The following EPHB1 variants were observed in gnomAD, a reference collection of about 807,000 sequenced individuals.
The protein encoded by EPHB1 is ephrin type-B receptor 1.
A neutral mutation model predicts 94.4 loss-of-function variants in EPHB1; 30 were observed. The observed-to-expected ratio is 0.32, with a 90% confidence interval of 0.24 to 0.43. The LOEUF is 0.43. Ranked by LOEUF, EPHB1 falls within the 20% of genes least tolerant of loss-of-function variation. The pLI, the probability that EPHB1 is intolerant of heterozygous loss-of-function variation, is 1.00. For synonymous variants in EPHB1, 522 were observed against 489.1 expected, an observed-to-expected ratio of 1.07 and a Z score of -0.89; for missense variants, 1,055 against 1,308.3, an observed-to-expected ratio of 0.81 and a Z score of 2.99.
rs549227080 is a variant in EPHB1 at position 134,832,197 on chromosome 3, G to T, written c.58+36508G>T. Among the ~76,000 whole-genome samples the T allele has an allele frequency of 1.5e-3, 225 of 152,326 alleles. 1 individual carries two copies. Among genetic ancestry groups the T allele is most frequent in the African/African-American group, 4.9e-3 (204 of 41,570 alleles). ...GTTTATCAGGAATTCAAATTTAACT[G>T]GGTGTCCTGTTGTTTGTTGGCTTGC... On this transcript the variant is annotated intron_variant, in intron 1 of 15. Transcript: ENST00000398015.
Position 135,132,923 on chromosome 3 carries a change from G to A in EPHB1, c.1171G>A (p.Val391Ile), listed in dbSNP as rs1940470701. 3.1e-6 allele frequency: 5 copies of A among 1,613,882 alleles called. No homozygotes were observed. The highest frequency in any genetic ancestry group is 1.3e-5 in the African/African-American group (1 of 74,918). ...GCAGCTGGGCCTGACGGAGTGCCGC[G>A]TCTCCATCAGCAGCCTGTGGGCCCA... ...PRQLGLTECR[V>I]SISSLWAHTP... is the part of the protein sequence containing the mutation. Residue 391 changes from valine (V) to isoleucine (I), a missense_variant, in exon 5 of 16, where the codon GTC becomes ATC. Physicochemically the swap from Val to Ile is conservative, Grantham distance 29. Transcript: ENST00000398015.
chr3:134,854,636 G>A (rs2037072501), intron 1 of EPHB1, among the ~76,000 whole-genome samples: 1 of 152,142 alleles, frequency 6.6e-6, no homozygotes, highest in Non-Finnish European at 1.5e-5. Context: ...GCTTCTCTGA[G>A]TAATCGCTTT....
rs143461983 is a variant in EPHB1, at chr3:135,174,099, A to G, written c.1760-5761A>G. On this transcript the variant is annotated intron_variant, in intron 9 of 15. Coordinates refer to ENST00000398015, the MANE Select transcript of EPHB1 (RefSeq NM_004441.5). Reference sequence around the variant, plus strand: ...TAACAACCTCATAGCTATTTTTCCAACCTCCAGCCCCTTCCCCACAGCACT... The same window carrying G: ...TAACAACCTCATAGCTATTTTTCCAGCCTCCAGCCCCTTCCCCACAGCACT... Among the ~76,000 whole-genome samples the G allele has an allele frequency of 8.8e-3, 1,344 of 152,002 alleles. 11 individuals carry two copies. The highest frequency in any genetic ancestry group is 0.036 in the South Asian group (174 of 4,802).
At chr3:134,931,803 GTATA>G (rs1353802886) in intron 2 of EPHB1, among the ~76,000 whole-genome samples, 2 of 152,162 alleles carry the variant, frequency 1.3e-5, no homozygotes, top group African/African-American at 4.8e-5. Context: ...ATATACATGT[GTATA>G]TATGTCTGTA....
At chr3:135,235,258 CA>C (rs1943623728) in intron 12 of EPHB1, among the ~76,000 whole-genome samples, 1 of 152,188 alleles carries the variant, frequency 6.6e-6, no homozygotes, top group Non-Finnish European at 1.5e-5. Flanking sequence ...TAACAATTAT[CA>C]GAGTTTGTAT....
At position 135,220,233 on chromosome 3, in the gene EPHB1, A is replaced by G. The variant is rs138658264; in HGVS notation, c.2346+18544A>G. On this transcript the variant is annotated intron_variant, in intron 12 of 15. Transcript: ENST00000398015. ...GAGAGCAGCTGAGTGAGGAAGGGAA[A>G]GACCAGGGCATGGCCAATCAAAGGC... Among the ~76,000 whole-genome samples the G allele has an allele frequency of 3.3e-3, 506 of 152,320 alleles. 7 individuals carry two copies. The highest frequency in any genetic ancestry group is 0.012 in the African/African-American group (481 of 41,560).
chr3:135,139,280 T>C (rs922040977), intron 5 of EPHB1, among the ~76,000 whole-genome samples: 9 of 152,180 alleles, frequency 5.9e-5, no homozygotes, highest in African/African-American at 2.2e-4. Context: ...GGAATGTTGC[T>C]TAGGATGATG....
intron 3 of EPHB1, among the ~76,000 whole-genome samples, chr3:134,956,660 GT>G (rs891874493): frequency 2.6e-5 from 4 of 152,078 alleles, no homozygotes; most frequent in Admixed American, 1.3e-4. Flanking sequence ...TTGCTACGTG[GT>G]TTTAGGTAAG....
intron 11 of EPHB1, among the ~76,000 whole-genome samples, chr3:135,199,464 C>A (rs900932577): frequency 2.0e-5 from 3 of 152,204 alleles, no homozygotes; most frequent in Admixed American, 2.0e-4. Context: ...GAAAACCAGT[C>A]AGAGTTTCCA....
intron 3 of EPHB1, among the ~76,000 whole-genome samples, chr3:135,007,695 G>A (rs1407061692): frequency 1.3e-5 from 2 of 152,156 alleles, no homozygotes; most frequent in Non-Finnish European, 2.9e-5. Context: ...CATTTGTCCT[G>A]TATAAAGAGC....
intron 3 of EPHB1, among the ~76,000 whole-genome samples, chr3:135,078,231 G>T (rs1271035358): frequency 1.3e-5 from 2 of 152,172 alleles, no homozygotes; most frequent in African/African-American, 4.8e-5. Flanking sequence ...TGCCTGGCAG[G>T]GGGAGGAGTA....
intron 3 of EPHB1, among the ~76,000 whole-genome samples, chr3:135,036,724 T>C (rs1248739566): frequency 1.3e-5 from 2 of 152,198 alleles, no homozygotes; most frequent in Non-Finnish European, 2.9e-5. Flanking sequence ...CTATTTAGGA[T>C]ATTTCTAGAA....
chr3:134,870,061 G>C (rs2037466918), intron 1 of EPHB1, among the ~76,000 whole-genome samples: 1 of 152,184 alleles, frequency 6.6e-6, no homozygotes, highest in African/African-American at 2.4e-5. Context: ...AATCAGGTAA[G>C]GATATTTAAG....
chr3:134,885,395 C>T (rs7639843), intron 1 of EPHB1, among the ~76,000 whole-genome samples: 79,552 of 152,074 alleles, frequency 0.52, 21,122 homozygotes, highest in South Asian at 0.62. Context: ...GAATGAAAAG[C>T]GATGAATGGC....
intron 1 of EPHB1, among the ~76,000 whole-genome samples, chr3:134,804,020 C>T (rs919772202): frequency 6.7e-6 from 1 of 150,294 alleles, no homozygotes; most frequent in Non-Finnish European, 1.5e-5. Flanking sequence ...TACACATTGC[C>T]TTTCCCATGT....
At chr3:135,181,541 T>C (rs16842755) in intron 10 of EPHB1, among the ~76,000 whole-genome samples, 24,083 of 152,190 alleles carry the variant, frequency 0.16, 2,307 homozygotes, top group East Asian at 0.26. Flanking sequence ...TCCTGTACTC[T>C]GTTTGCTCGT....
At chr3:135,099,322 CGGATGGATGGACGGAT>C (rs1375158061) in intron 3 of EPHB1, among the ~76,000 whole-genome samples, 1,337 of 27,534 alleles carry the variant, frequency 0.049, 13 homozygotes, top group African/African-American at 0.13. Flanking sequence ...GATGGATGGA[CGGATGGATGGACGGAT>C]GGATGGATGG....
At chr3:135,237,277 T>TACACACAC (rs10572168) in intron 12 of EPHB1, among the ~76,000 whole-genome samples, 8 of 147,358 alleles carry the variant, frequency 5.4e-5, no homozygotes, top group South Asian at 2.2e-4. Flanking sequence ...CACCAAATTC[T>TACACACAC]ACACACACAC....
intron 10 of EPHB1, among the ~76,000 whole-genome samples, chr3:135,180,761 T>C (rs956396023): frequency 6.6e-6 from 1 of 152,236 alleles, no homozygotes; most frequent in Non-Finnish European, 1.5e-5. Flanking sequence ...AGATAAAACA[T>C]CTCAAAAATC....
Sources: gnomAD v4.1 joint callset for allele counts (sites outside exome capture counted in the v4.1 genomes callset) on GRCh38, gnomAD v4.1.1 for gene constraint, MANE v1.5 for transcripts, NCBI Gene and HGNC (gene_info 2026-07-23, HGNC 2026-07-21) for gene names.